Variants in GALNT5 observed in about 807,000 individuals in gnomAD.
GALNT5 encodes the protein UDP-GalNAc:polypeptide N-acetylgalactosaminyltransferase 5.
A neutral mutation model predicts 85.4 loss-of-function variants in GALNT5; 72 were observed. That is an observed-to-expected ratio of 0.84 (90% CI 0.70 to 1.03). The LOEUF is 1.03. Ranked by LOEUF, GALNT5 falls within the 50% of genes least tolerant of loss-of-function variation. The pLI is 0.00. For missense variants in GALNT5, 1,137 were observed against 1,135.5 expected, an observed-to-expected ratio of 1.00 and a Z score of -0.02; for synonymous variants, 404 against 397.0, an observed-to-expected ratio of 1.02 and a Z score of -0.21.
At chr2:157,290,161 A>T in intron 3 of GALNT5, among the ~76,000 whole-genome samples, 1 of 151,420 alleles carries the variant, frequency 6.6e-6, no homozygotes, top group South Asian at 2.1e-4. Flanking sequence ...ATCTACATGT[A>T]TATAAAAACA....
rs201844162 is a variant in GALNT5, at chr2:157,258,099, A to C, written c.17A>C (p.Lys6Thr). The C allele has an allele frequency of 1.9e-6, 3 of 1,613,800 alleles. No individual in the cohort carries two copies. The highest frequency in any genetic ancestry group is 2.5e-6 in the Non-Finnish European group (3 of 1,180,002). ...CTTTGTACCATGAACAGGATCCGAA[A>C]GTTTTTCCGAGGAAGTGGGCGAGTC... MNRIRKFFRGSGRVLA... is the reference protein window; with the variant it reads MNRIRTFFRGSGRVLA... Residue 6 changes from lysine to threonine, a missense_variant, in exon 1 of 10, where the codon AAG (lysine) becomes ACG (threonine). By Grantham distance (78) the Lys-to-Thr change is moderately conservative. Transcript: ENST00000259056.
At chr2:157,308,888 G>A (rs559437152) in intron 9 of GALNT5, among the ~76,000 whole-genome samples, 160 bp downstream of exon 9, 37 of 140,320 alleles carry the variant, frequency 2.6e-4, no homozygotes, top group Admixed American at 9.1e-4. Flanking sequence ...GATATCTTTC[G>A]AAAGTTGACA....
At position 157,304,914 on chromosome 2, in the gene GALNT5, C is replaced by T. The variant is rs573343588; in HGVS notation, c.2440-835C>T. Among the ~76,000 whole-genome samples the T allele has an allele frequency of 3.9e-5, 6 of 152,274 alleles. No homozygotes were observed. The South Asian group carries it at 1.2e-3, about 32-fold the overall frequency. ...GTTAGGCATCATAGAACAGGAAGGACACAAATAGTGTCCCTGGCAACAAAG... is the reference window on the plus strand; with the variant it reads ...GTTAGGCATCATAGAACAGGAAGGATACAAATAGTGTCCCTGGCAACAAAG... On this transcript the variant is annotated intron_variant, in intron 7 of 9. Transcript: ENST00000259056.
chr2:157,284,386 T>C lies in GALNT5; in HGVS notation c.1559T>C (p.Ile520Thr). The change falls in exon 2 of 10, where the codon ATC becomes ACC. Residue 520 changes from isoleucine (I) to threonine (T), a missense_variant. Physicochemically the swap from Ile to Thr is moderately conservative, Grantham distance 89. Transcript: ENST00000259056. ...STLLRSVHSVINRSPPHLIKE... is the reference protein window; with the variant it reads ...STLLRSVHSVTNRSPPHLIKE... ...CTCCTGAGATCTGTTCACAGTGTCA[T>C]CAATCGCTCTCCTCCACACCTCATC... 1 of 1,614,000 alleles carries C rather than the reference T, an allele frequency of 6.2e-7. No homozygotes were observed.
Position 157,295,703 on chromosome 2 carries a change from C to G in GALNT5, c.1782C>G (p.Asn594Lys), listed in dbSNP as rs1204977229. Residue 594 changes from asparagine to lysine, a missense_variant, in exon 4 of 10, where the codon AAC becomes AAG. Transcript: ENST00000259056. ...TTTTAGATTCTCATGTGGAATGTAA[C>G]GTTGGTTGGTTGGAACCTCTTCTGG... ...LTFLDSHVEC[N>K]VGWLEPLLER... 1 of 1,612,134 alleles carries G rather than the reference C, an allele frequency of 6.2e-7. No individual in the cohort carries two copies. The highest frequency in any genetic ancestry group is 1.7e-5 in the Admixed American group (1 of 59,900).
intron 7 of GALNT5, 50 bp from the exon 8 acceptor site, chr2:157,305,699 G>A (rs199509298): frequency 9.6e-7 from 1 of 1,042,300 alleles, no homozygotes; most frequent in Non-Finnish European, 1.5e-6. Flanking sequence ...TGAATGTCTT[G>A]TTTTACTTTA....
Position 157,313,422 on chromosome 2 carries a change from G to A in GALNT5, c.*2074G>A, listed in dbSNP as rs1354520614. On this transcript the variant is annotated 3_prime_UTR_variant, in exon 10 of 10. Coordinates refer to ENST00000259056, the MANE Select transcript of GALNT5 (RefSeq NM_014568.3). Reference sequence around the variant, plus strand: ...TGCCTAATGACACATTTCTCAGAATGTATTTGTGTTATTAAATGATGCATG... The same window carrying A: ...TGCCTAATGACACATTTCTCAGAATATATTTGTGTTATTAAATGATGCATG... The A allele has an allele frequency of 6.6e-6, 1 of 152,124 alleles. No individual in the cohort carries two copies. Among genetic ancestry groups the A allele is most frequent in the Non-Finnish European group, 1.5e-5 (1 of 68,030 alleles). 9.4% of individuals were successfully genotyped at this position (152,124 alleles called of 1,614,324 possible).
chr2:157,276,917 G>A (rs915300225), intron 1 of GALNT5, among the ~76,000 whole-genome samples: 1 of 152,028 alleles, frequency 6.6e-6, no homozygotes, highest in Non-Finnish European at 1.5e-5. Flanking sequence ...TGATGTTAGG[G>A]TGTCAATTTT....
intron 5 of GALNT5, among the ~76,000 whole-genome samples, chr2:157,298,517 G>C (rs1173776715): frequency 1.3e-5 from 2 of 152,154 alleles, no homozygotes; most frequent in African/African-American, 4.8e-5. Flanking sequence ...CCTCCATCCA[G>C]ATAAGGGGCA....
rs1416458086 is a variant in GALNT5 at position 157,290,112 on chromosome 2, T to TATATATACACAC, written c.1741+3979_1741+3980insTATATACACACA. ...GTATATATATATATATATATATATA[T>TATATATACACAC]ACATACACAAACACATATATACATA... On this transcript the variant is annotated intron_variant, in intron 3 of 9. Transcript: ENST00000259056. Among the ~76,000 whole-genome samples the TATATATACACAC allele has an allele frequency of 3.7e-4, 51 of 138,244 alleles. 1 individual carries two copies. The highest frequency in any genetic ancestry group is 1.3e-3 in the African/African-American group (43 of 32,572). 90.7% of individuals were successfully genotyped at this position (138,244 alleles called of 152,430 possible).
chr2:157,273,630 C>CTGTTTTTTTTTTT (rs1682644900), intron 1 of GALNT5, among the ~76,000 whole-genome samples: 1 of 23,750 alleles, frequency 4.2e-5, no homozygotes, highest in African/African-American at 3.3e-4. Context: ...ATATTTCTTG[C>CTGTTTTTTTTTTT]TTTTTTTTTT....
In GALNT5 at chr2:157,282,226, TA is replaced by T. The variant is rs199722317; in HGVS notation, c.1455-2055del. Among the ~76,000 whole-genome samples the T allele has an allele frequency of 9.1e-3, 1,375 of 151,928 alleles. 13 individuals are homozygous for T. Among genetic ancestry groups the T allele is most frequent in the African/African-American group, 0.028 (1,160 of 41,472 alleles). ...GACATGCTCCTATCAGCTGTCAATT[TA>T]TTTTTTTTAATATTAGCCTCAAATA... On this transcript the variant is annotated intron_variant, in intron 1 of 9. Transcript: ENST00000259056.
rs35430045 is a variant in GALNT5, at chr2:157,273,630, C to CTTTTTTT, written c.1455-10629_1455-10623dup. 4.6e-3 allele frequency among the ~76,000 whole-genome samples: 109 copies of CTTTTTTT among 23,744 alleles called. 22 individuals carry two copies. Among genetic ancestry groups the CTTTTTTT allele is most frequent in the African/African-American group, 0.022 (66 of 3,052 alleles). 15.6% of individuals were successfully genotyped at this position (23,744 alleles called of 152,430 possible). A position where few individuals can be genotyped will look rare whatever the true frequency, so the allele number is the denominator to read the frequency against. On this transcript the variant is annotated intron_variant, in intron 1 of 9. Coordinates refer to ENST00000259056, the MANE Select transcript of GALNT5 (RefSeq NM_014568.3). ...TTATTTGAAAACAGCATATTTCTTG[C>CTTTTTTT]TTTTTTTTTTTTTTTTTTTTTTTTT...
intron 1 of GALNT5, among the ~76,000 whole-genome samples, chr2:157,266,557 G>A (rs1465757375): frequency 1.3e-5 from 2 of 152,168 alleles, no homozygotes; most frequent in South Asian, 2.1e-4. Context: ...ATGCATATAT[G>A]TATGCATGTA....
intron 1 of GALNT5, among the ~76,000 whole-genome samples, chr2:157,267,915 T>C (rs1417851438): frequency 1.3e-5 from 2 of 152,302 alleles, no homozygotes; most frequent in African/African-American, 4.8e-5. Flanking sequence ...CTGTACCTTC[T>C]TATCAGTGAG....
At chr2:157,262,891 G>A (rs1026586690) in intron 1 of GALNT5, among the ~76,000 whole-genome samples, 1 of 141,928 alleles carries the variant, frequency 7.0e-6, no homozygotes, top group African/African-American at 2.7e-5. Context: ...GCAGTGGTGC[G>A]ATCTCGGCTC....
In GALNT5 at chr2:157,314,915, T is replaced by TA. The variant is rs1683664832; in HGVS notation, c.*3572dup. Reference sequence around the variant, plus strand: ...CAACATGGTGAAACCCCGTCTCTACTAAAAATACAAAAATTAGCTGGGCAT... The same window carrying TA: ...CAACATGGTGAAACCCCGTCTCTACTAAAAAATACAAAAATTAGCTGGGCAT... On this transcript the variant is annotated 3_prime_UTR_variant, in exon 10 of 10. Coordinates refer to ENST00000259056, the MANE Select transcript of GALNT5 (RefSeq NM_014568.3). Among the ~76,000 whole-genome samples, 1 of 151,982 alleles carries TA rather than the reference T, an allele frequency of 6.6e-6. No homozygotes were observed.
Position 157,258,736 on chromosome 2 carries a change from GACC to G in GALNT5, c.656_658del (p.Thr219del). On this transcript the variant is annotated inframe_deletion, in exon 1 of 10. Transcript: ENST00000259056. ...TAGCAGCTGAAAGGGACTTGAATGT[GACC>G]ATCAGTCTTAGTACTGATAGACCAA... 6.2e-7 allele frequency: 1 copy of G among 1,613,922 alleles called. No homozygotes were observed. Among genetic ancestry groups the G allele is most frequent in the Non-Finnish European group, 8.5e-7 (1 of 1,179,978 alleles).
intron 5 of GALNT5, among the ~76,000 whole-genome samples, chr2:157,297,572 T>C (rs892442586): frequency 6.6e-6 from 1 of 152,226 alleles, no homozygotes; most frequent in African/African-American, 2.4e-5. Context: ...TACTCTCATG[T>C]TGAGGGCCAA....
Sources: gnomAD v4.1 joint callset for allele counts (sites outside exome capture counted in the v4.1 genomes callset) on GRCh38, gnomAD v4.1.1 for gene constraint, MANE v1.5 for transcripts, NCBI Gene and HGNC (gene_info 2026-07-23, HGNC 2026-07-21) for gene names.